RNF130: variants seen among roughly 807,000 people sequenced by gnomAD.
The protein encoded by RNF130 is E3 ubiquitin-protein ligase RNF130.
A neutral mutation model predicts 44.6 loss-of-function variants in RNF130; 21 were observed. The ratio of observed to expected loss-of-function variants is 0.47; its 90% confidence interval spans 0.33 to 0.68. RNF130 has a LOEUF of 0.68. RNF130 is among the 30% of genes least tolerant of loss of function. RNF130 has a pLI of 0.02. For missense variants in RNF130, 479 were observed against 560.6 expected (o/e 0.85, Z 1.47); for synonymous variants, 214 against 210.4 (o/e 1.02, Z -0.15).
intron 2 of RNF130, chr5:180,015,490 AGGAAAGGAGTAG>A (rs1479565794): frequency 3.6e-5 from 10 of 279,472 alleles, no homozygotes; most frequent in African/African-American, 1.5e-4. Context: ...GGAAAGGAGT[AGGAAAGGAGTAG>A]GGAAAGGAGT....
chr5:179,934,540 C>CTT (rs140004601), intron 7 of RNF130, among the ~76,000 whole-genome samples: 3,963 of 126,372 alleles, frequency 0.031, 227 homozygotes, highest in African/African-American at 0.1. Context: ...CTTTTCTTTC[C>CTT]TTTTTTTTTT....
At chr5:180,067,085 G>A (rs997097958) in intron 1 of RNF130, among the ~76,000 whole-genome samples, 1 of 152,116 alleles carries the variant, frequency 6.6e-6, no homozygotes, top group Non-Finnish European at 1.5e-5. Flanking sequence ...ATTCAAGGCG[G>A]GAGGGATCTC....
intron 7 of RNF130, among the ~76,000 whole-genome samples, chr5:179,932,604 G>A (rs375404152): frequency 3.3e-4 from 50 of 151,866 alleles, no homozygotes; most frequent in African/African-American, 1.1e-3. Context: ...TTGGGAGGCC[G>A]AGATGGATGG....
intron 2 of RNF130, among the ~76,000 whole-genome samples, chr5:180,034,557 T>G (rs1415550732): frequency 6.6e-6 from 1 of 151,342 alleles, no homozygotes; most frequent in Non-Finnish European, 1.5e-5. Context: ...TTTTCTTGAG[T>G]CAATTCTGAC....
At chr5:179,974,750 C>T (rs565670302) in intron 5 of RNF130, among the ~76,000 whole-genome samples, 1 of 152,324 alleles carries the variant, frequency 6.6e-6, no homozygotes, top group African/African-American at 2.4e-5. Context: ...GCGAGTGTCA[C>T]GAGATGCCGG....
intron 2 of RNF130, among the ~76,000 whole-genome samples, chr5:180,031,447 A>G (rs1218228336): frequency 6.6e-6 from 1 of 152,024 alleles, no homozygotes; most frequent in Non-Finnish European, 1.5e-5. Flanking sequence ...AGATCACACC[A>G]CTGCACTCCA....
intron 1 of RNF130, among the ~76,000 whole-genome samples, chr5:180,058,957 G>A (rs566676816): frequency 6.6e-6 from 1 of 152,174 alleles, no homozygotes; most frequent in East Asian, 1.9e-4. Context: ...TTAACAGTTA[G>A]ATGGTCAATT....
At chr5:180,022,617 T>G (rs1046285999) in intron 2 of RNF130, among the ~76,000 whole-genome samples, 1 of 152,186 alleles carries the variant, frequency 6.6e-6, no homozygotes, top group Admixed American at 6.5e-5. Context: ...CACACATCAA[T>G]GTACACGGAG....
chr5:179,973,269 T>C (rs909033191), intron 5 of RNF130, among the ~76,000 whole-genome samples: 5 of 152,184 alleles, frequency 3.3e-5, no homozygotes, highest in East Asian at 1.9e-4. Context: ...TCTTCACCCA[T>C]GGCCCTCCTC....
At chr5:179,951,512 T>C (rs1341436391), downstream of RNF130, among the ~76,000 whole-genome samples, 1 of 151,758 alleles carries the variant, frequency 6.6e-6, no homozygotes, top group African/African-American at 2.4e-5. Flanking sequence ...GCCTCCCGAG[T>C]AGCTGGGACT....
chr5:179,967,998 A>G (rs938911321), intron 6 of RNF130, among the ~76,000 whole-genome samples: 2 of 152,226 alleles, frequency 1.3e-5, no homozygotes, highest in Non-Finnish European at 2.9e-5. Context: ...TTAGCACTTA[A>G]TATACTTAAC....
intron 2 of RNF130, among the ~76,000 whole-genome samples, chr5:180,016,219 C>G (rs1763727480): frequency 6.6e-6 from 1 of 152,108 alleles, no homozygotes; most frequent in African/African-American, 2.4e-5. Context: ...TAGGAGTCCC[C>G]TCCTAGGAGA....
chr5:179,971,056 A>T (rs902466198), intron 5 of RNF130, among the ~76,000 whole-genome samples: 7 of 152,226 alleles, frequency 4.6e-5, no homozygotes, highest in African/African-American at 1.7e-4. Context: ...AGATTCAAGT[A>T]ACACTCAGCA....
chr5:179,986,489 G>A (rs902519896), intron 3 of RNF130, among the ~76,000 whole-genome samples: 6 of 152,200 alleles, frequency 3.9e-5, no homozygotes, highest in Admixed American at 1.3e-4. Flanking sequence ...AGAACCACAA[G>A]AGGTCACTTT....
At chr5:180,051,117 TA>T (rs1220621823) in intron 1 of RNF130, among the ~76,000 whole-genome samples, 1 of 152,186 alleles carries the variant, frequency 6.6e-6, no homozygotes, top group Non-Finnish European at 1.5e-5. Context: ...CTAGTACTTT[TA>T]AAAAGTAAAC....
chr5:180,034,138 G>T (rs1582206731), intron 2 of RNF130, among the ~76,000 whole-genome samples: 2 of 147,320 alleles, frequency 1.4e-5, no homozygotes. Flanking sequence ...TTTGTCAAAT[G>T]CTTTTTCTGC....
intron 3 of RNF130, among the ~76,000 whole-genome samples, chr5:179,994,767 T>C (rs1231465905): frequency 6.6e-6 from 1 of 152,230 alleles, no homozygotes; most frequent in Non-Finnish European, 1.5e-5. Context: ...TGCACTTATG[T>C]AAGCAGATGT....
At chr5:179,960,582 A>T (rs1762304345) in intron 8 of RNF130, among the ~76,000 whole-genome samples, 1 of 152,242 alleles carries the variant, frequency 6.6e-6, no homozygotes, top group Non-Finnish European at 1.5e-5. Context: ...CCTGGGTCCC[A>T]CACACTGCCC....
At chr5:180,025,877 T>C (rs913385095) in intron 2 of RNF130, among the ~76,000 whole-genome samples, 16 of 152,152 alleles carry the variant, frequency 1.1e-4, no homozygotes, top group African/African-American at 3.6e-4. Context: ...ATAAAGAAAA[T>C]AGATTTACGT....
Sources: allele counts gnomAD v4.1 joint callset (sites outside exome capture counted in the v4.1 genomes callset), GRCh38; gene constraint gnomAD v4.1.1; transcripts MANE v1.5; gene names NCBI Gene and HGNC (gene_info 2026-07-23, HGNC 2026-07-21).